VAMP4: variants seen among roughly 807,000 people sequenced by gnomAD.
The protein encoded by VAMP4 is vesicle-associated membrane protein 4.
VAMP4 carries 19 observed loss-of-function variants against 23.5 expected under a neutral mutation model. The ratio of observed to expected loss-of-function variants is 0.81; its 90% CI spans 0.56 to 1.19. The LOEUF is 1.19. Among genes scored for constraint, VAMP4 ranks in the 50% most tolerant of loss-of-function variants. VAMP4 has a pLI of 0.00. For missense variants in VAMP4, 145 were observed against 168.6 expected (o/e 0.86, Z 0.78); for synonymous variants, 31 against 51.0 (o/e 0.61, Z 1.67).
At position 171,725,683 on chromosome 1, in the gene VAMP4, G is replaced by A. The variant is rs538174629; in HGVS notation, c.113+2841C>T. ...GTAAGCTCTTTCTTCACTGCTTCTCGGGTTTCCATTAATTTTTTTTTTTTT... is the reference window on the plus strand; with the variant it reads ...GTAAGCTCTTTCTTCACTGCTTCTCAGGTTTCCATTAATTTTTTTTTTTTT... On this transcript the variant is annotated intron_variant, in intron 3 of 7. Coordinates refer to ENST00000236192, the MANE Select transcript of VAMP4 (RefSeq NM_003762.5). Among the ~76,000 whole-genome samples the A allele has an allele frequency of 4.0e-5, 6 of 151,764 alleles. No individual in the cohort carries two copies. The East Asian group carries it at 7.8e-4, about 20-fold the overall frequency.
At chr1:171,708,587 G>A (rs1401613716) in intron 6 of VAMP4, among the ~76,000 whole-genome samples, 9 of 151,610 alleles carry the variant, frequency 5.9e-5, no homozygotes, top group Non-Finnish European at 1.2e-4. Flanking sequence ...GCTGGCTGGT[G>A]CAGTGGCTCA....
At chr1:171,712,308 A>C (rs1572241362) in intron 4 of VAMP4, among the ~76,000 whole-genome samples, 2 of 152,294 alleles carry the variant, frequency 1.3e-5, no homozygotes, top group South Asian at 4.1e-4. Flanking sequence ...AAACTAATGT[A>C]GTAAGTGAGG....
chr1:171,741,276 A>C (rs1276339630), intron 1 of VAMP4, among the ~76,000 whole-genome samples: 1 of 152,144 alleles, frequency 6.6e-6, no homozygotes, highest in Admixed American at 6.5e-5. Context: ...TCCTTTTCCC[A>C]GCCTCCATTC....
At chr1:171,713,920 A>G (rs1654943815) in intron 4 of VAMP4, among the ~76,000 whole-genome samples, 1 of 152,212 alleles carries the variant, frequency 6.6e-6, no homozygotes, top group Non-Finnish European at 1.5e-5. Flanking sequence ...GATTCTTACT[A>G]GAGTATCATA....
At position 171,702,918 on chromosome 1, in the gene VAMP4, A is replaced by G. The variant is rs1654496798; in HGVS notation, c.*1588T>C. On this transcript the variant is annotated 3_prime_UTR_variant, in exon 8 of 8. Coordinates refer to ENST00000236192, the MANE Select transcript of VAMP4 (RefSeq NM_003762.5). ...AACTTGCAGGTGTCTTGAGTGTCTC[A>G]GTCTGCTTTCTCTCTTCAAATTTTT... 1 of 151,962 alleles carries G rather than the reference A, an allele frequency of 6.6e-6. No homozygotes were observed. Among genetic ancestry groups the G allele is most frequent in the Non-Finnish European group, 1.5e-5 (1 of 67,890 alleles). The allele number at this position is 151,962 out of a possible 1,614,324, so 9.4% of individuals were successfully genotyped here. A position where few individuals can be genotyped will look rare whatever the true frequency, so the allele number is the denominator to read the frequency against.
At chr1:171,708,321 C>T (rs1165264788) in intron 6 of VAMP4, among the ~76,000 whole-genome samples, 3 of 111,604 alleles carry the variant, frequency 2.7e-5, no homozygotes, top group South Asian at 5.6e-4. Context: ...GCCTCAGAGA[C>T]ACAGCAAGAG....
At chr1:171,710,256 A>AT (rs1182779134) in intron 5 of VAMP4, among the ~76,000 whole-genome samples, 3 of 151,214 alleles carry the variant, frequency 2.0e-5, no homozygotes, top group African/African-American at 7.3e-5. Context: ...ACAATATTTG[A>AT]GTGGCAAGTA....
chr1:171,711,142 TCA>T (rs1323513578), intron 4 of VAMP4, among the ~76,000 whole-genome samples: 1 of 152,096 alleles, frequency 6.6e-6, no homozygotes, highest in Non-Finnish European at 1.5e-5. Flanking sequence ...CTAAAAATAA[TCA>T]GTTTTTCTTT....
intron 3 of VAMP4, among the ~76,000 whole-genome samples, chr1:171,722,588 G>A (rs1456349442): frequency 6.6e-6 from 1 of 152,100 alleles, no homozygotes; most frequent in Non-Finnish European, 1.5e-5. Flanking sequence ...ATCAAAAAGT[G>A]GGCGAAGGAT....
intron 4 of VAMP4, among the ~76,000 whole-genome samples, chr1:171,717,824 T>C (rs1655067538): frequency 6.6e-6 from 1 of 152,272 alleles, no homozygotes; most frequent in South Asian, 2.1e-4. Context: ...TTTTACTATA[T>C]AAGTAATAAA....
intron 3 of VAMP4, among the ~76,000 whole-genome samples, chr1:171,724,498 A>T (rs1422102988): frequency 1.3e-5 from 2 of 152,184 alleles, no homozygotes; most frequent in Non-Finnish European, 2.9e-5. Flanking sequence ...AAAATACTTA[A>T]GGATCAATTT....
At chr1:171,727,798 C>T (rs1371664014) in intron 3 of VAMP4, among the ~76,000 whole-genome samples, 3 of 152,150 alleles carry the variant, frequency 2.0e-5, no homozygotes. Flanking sequence ...GGATGAATCT[C>T]AAAAACCATG....
In VAMP4 at chr1:171,709,677, C is replaced by A; in HGVS notation, c.333G>T (p.Trp111Cys). 1 of 1,613,134 alleles carries A rather than the reference C, an allele frequency of 6.2e-7. No homozygotes were observed. Among genetic ancestry groups the A allele is most frequent in the Non-Finnish European group, 8.5e-7 (1 of 1,179,386 alleles). The stretch of plus-strand genomic sequence containing the variant: ...CTGATTTACTTACTTTGCATCCACG[C>A]CACCACATTTGCCTTCGAAGTTGTT... Reference protein sequence around the residue: ...RSKQLRRQMWWRGCKIKAIMA... With the variant: ...RSKQLRRQMWCRGCKIKAIMA... The change falls in exon 6 of 8, where the codon TGG (tryptophan) becomes TGT (cysteine). Residue 111 changes from tryptophan (W) to cysteine (C), a missense_variant. Coordinates refer to ENST00000236192, the MANE Select transcript of VAMP4 (RefSeq NM_003762.5).
intron 2 of VAMP4, among the ~76,000 whole-genome samples, chr1:171,730,579 A>G (rs75832099): frequency 0.015 from 2,240 of 152,172 alleles, 53 homozygotes; most frequent in African/African-American, 0.05. Context: ...GAACAGGACT[A>G]GAATTAAAAA....
chr1:171,738,781 A>G (rs1224937153), intron 1 of VAMP4, among the ~76,000 whole-genome samples: 3 of 152,244 alleles, frequency 2.0e-5, no homozygotes, highest in African/African-American at 7.2e-5. Context: ...TAAATGCTTT[A>G]CAATTTAAAG....
chr1:171,709,055 A>T (rs914357014), intron 6 of VAMP4, among the ~76,000 whole-genome samples: 1 of 152,002 alleles, frequency 6.6e-6, no homozygotes, highest in African/African-American at 2.4e-5. Context: ...AATGATTAGT[A>T]GCCACAGTGG....
rs753960800 is a variant in VAMP4, at chr1:171,703,801, T to C, written c.*705A>G. ...TATTGGTCATTTTCAAATACTCCAA[T>C]GACACTCTTCAATAACTTTATTATC... On this transcript the variant is annotated 3_prime_UTR_variant, in exon 8 of 8. Transcript: ENST00000236192. 1.3e-5 allele frequency: 2 copies of C among 152,308 alleles called. No individual in the cohort carries two copies. Among genetic ancestry groups the C allele is most frequent in the Admixed American group, 1.3e-4 (2 of 15,222 alleles). The allele number at this position is 152,308 out of a possible 1,614,324, so 9.4% of individuals were successfully genotyped here.
chr1:171,710,056 C>T (rs1558106474), intron 5 of VAMP4, among the ~76,000 whole-genome samples: 1 of 151,888 alleles, frequency 6.6e-6, no homozygotes, highest in Non-Finnish European at 1.5e-5. Flanking sequence ...GAAAAATACT[C>T]TTTAAAAATT....
At chr1:171,719,246 C>T in intron 3 of VAMP4, 25 bp from the exon 4 acceptor site, 1 of 1,593,552 alleles carries the variant, frequency 6.3e-7, no homozygotes, top group South Asian at 1.1e-5. Flanking sequence ...ATACCAAGTA[C>T]ATATTAGTAG....
Sources: allele counts gnomAD v4.1 joint callset (sites outside exome capture counted in the v4.1 genomes callset), GRCh38; gene constraint gnomAD v4.1.1; transcripts MANE v1.5; gene names NCBI Gene and HGNC (gene_info 2026-07-23, HGNC 2026-07-21).